The following AGTRAP variants were observed in gnomAD, a reference collection of about 807,000 sequenced individuals.
AGTRAP encodes the protein angiotensin II receptor associated protein.
A neutral mutation model predicts 15.2 loss-of-function variants in AGTRAP; 7 were observed. The observed-to-expected ratio is 0.46, with a 90% CI of 0.26 to 0.87. The LOEUF is 0.87. AGTRAP is among the 40% of genes least tolerant of loss of function. The pLI, the probability that AGTRAP is intolerant of heterozygous loss-of-function variation, is 0.15. For synonymous variants in AGTRAP, 74 were observed against 89.6 expected (o/e 0.83, Z 0.98); for missense variants, 187 against 213.4 (o/e 0.88, Z 0.77).
At chr1:11,737,539 T>C (rs1641928652) in intron 1 of AGTRAP, among the ~76,000 whole-genome samples, 1 of 152,226 alleles carries the variant, frequency 6.6e-6, no homozygotes, top group South Asian at 2.1e-4. Context: ...AAAGCTGATA[T>C]GGTCATCTTT....
At chr1:11,744,365 A>C (rs1642108945) in intron 1 of AGTRAP, among the ~76,000 whole-genome samples, 1 of 152,208 alleles carries the variant, frequency 6.6e-6, no homozygotes, top group African/African-American at 2.4e-5. Context: ...CATAAGGCAT[A>C]CCAAGCTATC....
Position 11,745,800 on chromosome 1 carries a change from C to T in AGTRAP, c.28-3C>T. The T allele has an allele frequency of 6.2e-7, 1 of 1,614,192 alleles. No individual in the cohort carries two copies. The highest frequency in any genetic ancestry group is 8.5e-7 in the Non-Finnish European group (1 of 1,180,026). ...CTCTTCTCTCCCCCTTGTTGTGCCA[C>T]AGGTGATTCTCCTAGGTCACTGGCT... On this transcript the variant is annotated splice_polypyrimidine_tract_variant and splice_region_variant and intron_variant, in intron 1 of 4. Coordinates refer to ENST00000314340, the MANE Select transcript of AGTRAP (RefSeq NM_020350.5). This position sits in a 1 kb window ranked among gnomAD's most constrained non-coding sequence, Gnocchi z 4.2.
chr1:11,740,847 G>A (rs140366299), intron 1 of AGTRAP, among the ~76,000 whole-genome samples: 34 of 152,284 alleles, frequency 2.2e-4, no homozygotes, highest in African/African-American at 7.0e-4. Context: ...GGGGAGGAAA[G>A]GGGTGATGGG....
At position 11,745,908 on chromosome 1, in the gene AGTRAP, G is replaced by T; in HGVS notation, c.62+71G>T. On this transcript the variant is annotated intron_variant, in intron 2 of 4. Coordinates refer to ENST00000314340, the MANE Select transcript of AGTRAP (RefSeq NM_020350.5). The surrounding 1 kb of genome is among the most constrained non-coding windows in gnomAD (Gnocchi z 4.2). ...GTCTGTGTCAGCCGGGTCAGGTCCT[G>T]GTTCTGCCGTGTTTTAACCAGGTCA... 6.3e-7 allele frequency: 1 copy of T among 1,592,846 alleles called. No individual in the cohort carries two copies.
intron 1 of AGTRAP, among the ~76,000 whole-genome samples, chr1:11,741,971 G>A (rs982427446): frequency 1.3e-5 from 2 of 152,114 alleles, no homozygotes; most frequent in African/African-American, 4.8e-5. Flanking sequence ...ATTTCTTTTG[G>A]GCCACAGAGC....
Position 11,747,528 on chromosome 1 carries a change from A to G in AGTRAP, c.151A>G (p.Ile51Val), listed in dbSNP as rs770017595. Reference sequence around the variant, plus strand: ...GTGGGCTGTGGCTCAGCGGGACTCCATCGACGCCATAAGCATGGTGAGCCA... The same window carrying G: ...GTGGGCTGTGGCTCAGCGGGACTCCGTCGACGCCATAAGCATGGTGAGCCA... The part of the protein sequence containing the change: ...GVWAVAQRDS[I>V]DAISMFLGGL... The change falls in exon 3 of 5, where the codon ATC becomes GTC. Residue 51 changes from isoleucine to valine, a missense_variant. By Grantham distance (29) the Ile-to-Val change is conservative. Transcript: ENST00000314340. The G allele has an allele frequency of 1.9e-6, 3 of 1,613,908 alleles. No homozygotes were observed. Among genetic ancestry groups the G allele is most frequent in the Non-Finnish European group, 2.5e-6 (3 of 1,179,968 alleles).
At chr1:11,747,678 C>G in intron 3 of AGTRAP, 133 bp downstream of exon 3, 1 of 936,904 alleles carries the variant, frequency 1.1e-6, no homozygotes, top group Non-Finnish European at 1.6e-6. Context: ...TTGTCTAAAG[C>G]CTGTTCATCA....
At chr1:11,737,249 G>T (rs1641922814) in intron 1 of AGTRAP, among the ~76,000 whole-genome samples, 1 of 152,214 alleles carries the variant, frequency 6.6e-6, no homozygotes, top group South Asian at 2.1e-4. Context: ...GAAGCTTCCA[G>T]TCAAAGGTGG....
At chr1:11,740,770 G>A (rs1321151039) in intron 1 of AGTRAP, among the ~76,000 whole-genome samples, 5 of 152,226 alleles carry the variant, frequency 3.3e-5, no homozygotes, top group Non-Finnish European at 7.3e-5. Flanking sequence ...GCATAGGAGC[G>A]AGAGCATTGA....
chr1:11,737,135 C>CA lies in AGTRAP; in HGVS notation c.27+904dup, dbSNP rs1252314005. ...AAGGAACCTGAGAAATAGATGGTTA[C>CA]AAAACAATGGCTTAATACACTTTAT... On this transcript the variant is annotated intron_variant, in intron 1 of 4. Transcript: ENST00000314340. 2.0e-5 allele frequency among the ~76,000 whole-genome samples: 3 copies of CA among 152,358 alleles called. No individual in the cohort carries two copies. In the South Asian group the frequency reaches 6.2e-4, roughly 32 times the overall value.
At chr1:11,748,733 G>A (rs1490842233) in intron 4 of AGTRAP, 123 bp downstream of exon 4, 14 of 1,156,526 alleles carry the variant, frequency 1.2e-5, no homozygotes, top group South Asian at 3.0e-5. Flanking sequence ...CAGGGAGAGC[G>A]TGGCATGGGC....
In AGTRAP at chr1:11,745,254, G is replaced by A. The variant is rs1642133933; in HGVS notation, c.28-549G>A. On this transcript the variant is annotated intron_variant, in intron 1 of 4. Transcript: ENST00000314340. This position sits in a 1 kb window ranked among gnomAD's most constrained non-coding sequence, Gnocchi z 4.2. ...AGACAATATAGGGTAACTTTCTGACGTTGCCATGGCATTTGTAAACTGTCA... is the reference window on the plus strand; with the variant it reads ...AGACAATATAGGGTAACTTTCTGACATTGCCATGGCATTTGTAAACTGTCA... 6.6e-6 allele frequency among the ~76,000 whole-genome samples: 1 copy of A among 152,206 alleles called. No homozygotes were observed. The highest frequency in any genetic ancestry group is 1.5e-5 in the Non-Finnish European group (1 of 68,044).
intron 1 of AGTRAP, among the ~76,000 whole-genome samples, chr1:11,740,544 G>A (rs932491279): frequency 6.6e-6 from 1 of 152,096 alleles, no homozygotes; most frequent in Admixed American, 6.5e-5. Context: ...AGATGGCAGA[G>A]GTGTGGGCCC....
intron 1 of AGTRAP, 102 bp downstream of exon 1, chr1:11,736,337 G>A: frequency 2.0e-6 from 3 of 1,496,288 alleles, no homozygotes; most frequent in South Asian, 2.4e-5. Context: ...GGGAAAGAGG[G>A]ATGGTAGGGA....
intron 1 of AGTRAP, among the ~76,000 whole-genome samples, chr1:11,743,556 T>G (rs1642086044): frequency 7.1e-6 from 1 of 141,792 alleles, no homozygotes; most frequent in Non-Finnish European, 1.5e-5. Context: ...CATCTGCCCT[T>G]TTTCTTTCTT....
chr1:11,745,540 A>G lies in AGTRAP; in HGVS notation c.28-263A>G, dbSNP rs1359673976. ...AATTGCTCTGGTTCATACGCCTCTG[A>G]CGCTTGGAAGGGGTGTGGGTGTCAG... On this transcript the variant is annotated intron_variant, in intron 1 of 4. Transcript: ENST00000314340. This position sits in a 1 kb window ranked among gnomAD's most constrained non-coding sequence, Gnocchi z 4.2. 6.6e-6 allele frequency among the ~76,000 whole-genome samples: 1 copy of G among 152,084 alleles called. No individual in the cohort carries two copies. Among genetic ancestry groups the G allele is most frequent in the African/African-American group, 2.4e-5 (1 of 41,404 alleles).
At chr1:11,741,030 G>A (rs11121817) in intron 1 of AGTRAP, among the ~76,000 whole-genome samples, 34,450 of 151,842 alleles carry the variant, frequency 0.23, 4,562 homozygotes, top group East Asian at 0.32. Context: ...GATCAGAATC[G>A]TCCTCATGCC....
chr1:11,747,350 C>T, intron 2 of AGTRAP, 90 bp from the exon 3 acceptor site: 4 of 1,215,056 alleles, frequency 3.3e-6, no homozygotes, highest in Non-Finnish European at 2.4e-6. Flanking sequence ...ATGGCATGTT[C>T]TGGGAGGAGG....
At chr1:11,749,826 C>T (rs1642269377) in intron 4 of AGTRAP, among the ~76,000 whole-genome samples, 1 of 151,378 alleles carries the variant, frequency 6.6e-6, no homozygotes, top group South Asian at 2.1e-4. Flanking sequence ...GTCACTTCAT[C>T]CCTTTGACCC....
Sources: gnomAD v4.1 joint callset for allele counts (sites outside exome capture counted in the v4.1 genomes callset) on GRCh38, gnomAD v4.1.1 for gene constraint, Gnocchi (gnomAD v3.1) non-coding constraint, MANE v1.5 for transcripts, NCBI Gene and HGNC (gene_info 2026-07-23, HGNC 2026-07-21) for gene names.